The following NYAP2 variants were observed in gnomAD, a reference collection of about 807,000 sequenced individuals.
The protein encoded by NYAP2 is neuronal tyrosine-phosphorylated phosphoinositide-3-kinase adaptor 2, also known as neuronal tyrosine-phosphorylated phosphoinositide-3-kinase adapter 2.
NYAP2 carries 23 observed loss-of-function variants against 50.4 expected under a neutral mutation model. The ratio of observed to expected loss-of-function variants is 0.46; its 90% CI spans 0.33 to 0.65. The LOEUF (loss-of-function observed/expected upper bound fraction) is 0.65. NYAP2 is among the 30% of genes least tolerant of loss of function. The pLI is 0.02. For synonymous variants in NYAP2, 394 were observed against 365.2 expected (o/e 1.08, Z -0.90); for missense variants, 885 against 861.0 (o/e 1.03, Z -0.35).
Position 225,440,349 on chromosome 2 carries a change from T to C in NYAP2, c.221+31248T>C, listed in dbSNP as rs1048328346. Among the ~76,000 whole-genome samples, 3 of 152,202 alleles carry C rather than the reference T, an allele frequency of 2.0e-5. No individual in the cohort carries two copies. In the South Asian group the frequency reaches 6.2e-4, roughly 31 times the overall value. On this transcript the variant is annotated intron_variant, in intron 3 of 6. Coordinates refer to ENST00000636099, the Ensembl canonical transcript of NYAP2. The stretch of plus-strand genomic sequence containing the variant: ...CAGAGTGAAAATATTAGCTGATAAC[T>C]TCAACAATGCTATGAAATCTGGTTT...
chr2:225,702,903 G>T, the NYAP2 span: 4 of 151,416 alleles, frequency 2.6e-5, no homozygotes, highest in Non-Finnish European at 4.4e-5. Flanking sequence ...AACTGGGTTT[G>T]CCCACCCTAA....
intron 5 of NYAP2, among the ~76,000 whole-genome samples, chr2:225,587,375 G>C (rs906962419): frequency 6.6e-6 from 1 of 152,102 alleles, no homozygotes; most frequent in Non-Finnish European, 1.5e-5. Flanking sequence ...AAAAGTAGAA[G>C]ATGAAGCAGC....
At chr2:225,451,764 A>T (rs1689657180) in intron 3 of NYAP2, among the ~76,000 whole-genome samples, 1 of 152,236 alleles carries the variant, frequency 6.6e-6, no homozygotes, top group African/African-American at 2.4e-5. Context: ...AAGCTCTGTT[A>T]TATGGTAGGC....
intron 4 of NYAP2, among the ~76,000 whole-genome samples, chr2:225,532,016 A>G (rs1009496400): frequency 2.0e-5 from 3 of 152,250 alleles, no homozygotes; most frequent in South Asian, 2.1e-4. Flanking sequence ...TGCCATTTAT[A>G]TAAGGTTAAA....
intron 5 of NYAP2, among the ~76,000 whole-genome samples, chr2:225,606,319 T>C (rs1418191500): frequency 6.6e-6 from 1 of 152,134 alleles, no homozygotes; most frequent in Non-Finnish European, 1.5e-5. Flanking sequence ...TCCAAATTGC[T>C]GGTATAAATT....
chr2:225,703,653 T>C, the NYAP2 span: 1 of 151,884 alleles, frequency 6.6e-6, no homozygotes, highest in Non-Finnish European at 1.5e-5. Context: ...TAGTTTAAAT[T>C]AGTTGACTTT....
intron 4 of NYAP2, among the ~76,000 whole-genome samples, chr2:225,523,939 A>C (rs1204194972): frequency 6.6e-6 from 1 of 152,228 alleles, no homozygotes; most frequent in Non-Finnish European, 1.5e-5. Context: ...CAAAGTTAAC[A>C]AAAATGTACA....
At chr2:225,662,066 A>G in the NYAP2 span, among the ~76,000 whole-genome samples, 1 of 152,166 alleles carries the variant, frequency 6.6e-6, no homozygotes. Context: ...CTTCACTTTC[A>G]TCCATTTATT....
At chr2:225,621,820 C>A (rs1470072811) in intron 5 of NYAP2, among the ~76,000 whole-genome samples, 1 of 151,660 alleles carries the variant, frequency 6.6e-6, no homozygotes, top group African/African-American at 2.4e-5. Context: ...GCTTATTTTA[C>A]TTATGATAAC....
the NYAP2 span, among the ~76,000 whole-genome samples, chr2:225,677,056 T>C: frequency 6.6e-6 from 1 of 152,162 alleles, no homozygotes; most frequent in Non-Finnish European, 1.5e-5. Flanking sequence ...TAATTTTCTA[T>C]TTATTTGTGT....
At chr2:225,617,581 A>G (rs1280315024) in intron 5 of NYAP2, among the ~76,000 whole-genome samples, 1 of 152,232 alleles carries the variant, frequency 6.6e-6, no homozygotes, top group East Asian at 1.9e-4. Context: ...AGGAGAATAG[A>G]ATCTTAAATT....
intron 3 of NYAP2, among the ~76,000 whole-genome samples, chr2:225,458,888 G>GACC (rs1212254791): frequency 6.6e-6 from 1 of 152,218 alleles, no homozygotes; most frequent in Non-Finnish European, 1.5e-5. Context: ...TCCATGGACA[G>GACC]ACAGAGAGTG....
intron 5 of NYAP2, among the ~76,000 whole-genome samples, chr2:225,600,300 G>A (rs758008151): frequency 2.0e-5 from 3 of 152,168 alleles, no homozygotes; most frequent in Non-Finnish European, 2.9e-5. Context: ...ATCAAGTTCA[G>A]GATCTGCAAA....
At chr2:225,683,777 A>C in the NYAP2 span, among the ~76,000 whole-genome samples, 3,070 of 152,246 alleles carry the variant, frequency 0.02, 106 homozygotes, top group African/African-American at 0.069. Flanking sequence ...GCAGCAAGGA[A>C]GGGGGCTATC....
At chr2:225,508,298 G>A (rs1422076828) in intron 3 of NYAP2, among the ~76,000 whole-genome samples, 1 of 152,180 alleles carries the variant, frequency 6.6e-6, no homozygotes, top group African/African-American at 2.4e-5. Context: ...CTATAGTGAA[G>A]TTAGCTTCTA....
chr2:225,581,602 T>C (rs1188552244), intron 4 of NYAP2, among the ~76,000 whole-genome samples: 2 of 152,236 alleles, frequency 1.3e-5, no homozygotes, highest in African/African-American at 2.4e-5. Context: ...TCATGCAGGT[T>C]AATTTTCACA....
At chr2:225,526,460 T>A (rs1691153847) in intron 4 of NYAP2, among the ~76,000 whole-genome samples, 1 of 152,118 alleles carries the variant, frequency 6.6e-6, no homozygotes, top group Non-Finnish European at 1.5e-5. Context: ...TGAAAATAAA[T>A]GAGATGATAG....
chr2:225,482,619 A>G (rs1690225562), intron 3 of NYAP2, among the ~76,000 whole-genome samples: 1 of 152,140 alleles, frequency 6.6e-6, no homozygotes, highest in Admixed American at 6.6e-5. Context: ...CCTTACTCAA[A>G]TGCAGCAGAA....
intron 4 of NYAP2, among the ~76,000 whole-genome samples, chr2:225,564,270 C>G (rs1691924090): frequency 6.6e-6 from 1 of 150,626 alleles, no homozygotes; most frequent in East Asian, 1.9e-4. Flanking sequence ...TAAATAGAAC[C>G]TCCAAATAAT....
Sources: allele counts gnomAD v4.1 joint callset (sites outside exome capture counted in the v4.1 genomes callset), GRCh38; gene constraint gnomAD v4.1.1; transcripts MANE v1.5; gene names NCBI Gene and HGNC (gene_info 2026-07-23, HGNC 2026-07-21).